The following KDM2B variants were observed in gnomAD, a reference collection of about 807,000 sequenced individuals.
KDM2B encodes the protein lysine-specific demethylase 2B.
A neutral mutation model predicts 150.0 loss-of-function variants in KDM2B; 26 were observed. The observed-to-expected ratio is 0.17, with a 90% CI of 0.13 to 0.24. KDM2B has a LOEUF of 0.24. Ranked by LOEUF, KDM2B falls within the 10% of genes least tolerant of loss-of-function variation. The pLI, the probability that KDM2B is intolerant of heterozygous loss-of-function variation, is 1.00. For synonymous variants in KDM2B, 734 were observed against 729.5 expected, an observed-to-expected ratio of 1.01 and a Z score of -0.10; for missense variants, 1,265 against 1,816.9, an observed-to-expected ratio of 0.70 and a Z score of 5.52.
intron 12 of KDM2B, among the ~76,000 whole-genome samples, chr12:121,460,848 C>G (rs986811186): frequency 6.6e-6 from 1 of 152,162 alleles, no homozygotes; most frequent in East Asian, 1.9e-4. Context: ...CCTACCACCT[C>G]AGGCTCCCAA....
chr12:121,553,174 C>T (rs28620502), intron 4 of KDM2B, among the ~76,000 whole-genome samples: 94,796 of 150,922 alleles, frequency 0.63, 31,996 homozygotes, highest in African/African-American at 0.89. Flanking sequence ...GGGGTTGCAG[C>T]GAGCCGAGAT....
chr12:121,453,633 C>A lies in KDM2B; in HGVS notation c.1735-289G>T, dbSNP rs1877715578. ...CACGTAGAGAACGTGTGTGAAGACACAGGCCTTCCACAGACTGGAGCCCTG... is the reference window on the plus strand; with the variant it reads ...CACGTAGAGAACGTGTGTGAAGACAAAGGCCTTCCACAGACTGGAGCCCTG... On this transcript the variant is annotated intron_variant, in intron 12 of 22. Transcript: ENST00000377071. The surrounding 1 kb of genome is among the most constrained non-coding windows in gnomAD (Gnocchi z 6.4). 6.6e-6 allele frequency among the ~76,000 whole-genome samples: 1 copy of A among 152,104 alleles called. No homozygotes were observed. Among genetic ancestry groups the A allele is most frequent in the Non-Finnish European group, 1.5e-5 (1 of 68,016 alleles).
At chr12:121,580,600 G>A in intron 1 of KDM2B, 186 bp downstream of exon 1, 4 of 960,312 alleles carry the variant, frequency 4.2e-6, no homozygotes, top group Non-Finnish European at 4.4e-6. Context: ...GGAGGGGGCG[G>A]GGAGGGAGGT....
Position 121,578,788 on chromosome 12 carries a change from TG to T in KDM2B, c.271+13del. 3 of 1,509,468 alleles carry T rather than the reference TG, an allele frequency of 2.0e-6. No homozygotes were observed. Among genetic ancestry groups the T allele is most frequent in the South Asian group, 1.2e-5 (1 of 82,396 alleles). 93.5% of individuals were successfully genotyped at this position (1,509,468 alleles called of 1,614,324 possible). A position where few individuals can be genotyped will look rare whatever the true frequency, so the allele number is the denominator to read the frequency against. On this transcript the variant is annotated intron_variant, in intron 2 of 22. Coordinates refer to ENST00000377071, the MANE Select transcript of KDM2B (RefSeq NM_032590.5). ...CCGCAGCGCAGAGGGCGGCCCGGGGTGGGGGCGCCTCACCTTTGCCCTCCAT... is the reference window on the plus strand; with the variant it reads ...CCGCAGCGCAGAGGGCGGCCCGGGGTGGGGCGCCTCACCTTTGCCCTCCAT...
At chr12:121,581,616 G>C (rs1891968094), upstream of KDM2B, among the ~76,000 whole-genome samples, 1 of 152,194 alleles carries the variant, frequency 6.6e-6, no homozygotes, top group Non-Finnish European at 1.5e-5. Flanking sequence ...TGGCAAGAGG[G>C]AGACGATAAA....
chr12:121,578,557 C>T (rs2136680012), intron 2 of KDM2B, among the ~76,000 whole-genome samples: 1 of 152,174 alleles, frequency 6.6e-6, no homozygotes, highest in East Asian at 1.9e-4. Flanking sequence ...GGCCCCCTGG[C>T]TCTGCCCACC....
chr12:121,494,388 C>G, intron 12 of KDM2B, 191 bp downstream of exon 12: 1 of 541,246 alleles, frequency 1.8e-6, no homozygotes, highest in Non-Finnish European at 3.3e-6. Context: ...TTCGCAGTTC[C>G]CACAGCTAGG....
Position 121,575,585 on chromosome 12 carries a change from TC to T in KDM2B, c.350+195del, listed in dbSNP as rs1555316742. Among the ~76,000 whole-genome samples the T allele has an allele frequency of 6.6e-6, 1 of 152,152 alleles. No homozygotes were observed. Among genetic ancestry groups the T allele is most frequent in the Non-Finnish European group, 1.5e-5 (1 of 68,022 alleles). Reference sequence around the variant, plus strand: ...CCCTATGTCCTCTCTCTGCCCAAAGTCCCTGCAAAAGACCAGTCTTTGGAGA... The same window carrying T: ...CCCTATGTCCTCTCTCTGCCCAAAGTCCTGCAAAAGACCAGTCTTTGGAGA... On this transcript the variant is annotated intron_variant, in intron 3 of 22. Coordinates refer to ENST00000377071, the MANE Select transcript of KDM2B (RefSeq NM_032590.5). This position sits in a 1 kb window ranked among gnomAD's most constrained non-coding sequence, Gnocchi z 4.4.
chr12:121,417,926 C>T, the KDM2B span: 18 of 1,608,668 alleles, frequency 1.1e-5, no homozygotes, highest in Non-Finnish European at 1.5e-5. The surrounding 1 kb of genome is among the most constrained non-coding windows in gnomAD (Gnocchi z 5.0). Context: ...GAGGGGGTAA[C>T]TAATTACACC....
intron 11 of KDM2B, among the ~76,000 whole-genome samples, chr12:121,509,121 C>T (rs552448542): frequency 6.6e-5 from 10 of 152,020 alleles, no homozygotes; most frequent in East Asian, 3.9e-4. Context: ...TGCAGTGGTG[C>T]GATCTCAGCT....
In KDM2B at chr12:121,442,735, G is replaced by C; in HGVS notation, c.2706C>G (p.Pro902=). Residue 902 remains proline (P), a synonymous_variant, in exon 19 of 23, where the codon CCC becomes CCG. Transcript: ENST00000377071. The surrounding 1 kb of genome is among the most constrained non-coding windows in gnomAD (Gnocchi z 7.7). ...EPEDELPEAP[P]KTRESDHSRS... is the part of the protein sequence containing the mutation. Reference sequence around the variant, plus strand: ...GGGAGTGGTCGCTCTCCCTGGTCTTGGGGGGCGCCTCGGGCAGTTCGTCCT... The same window carrying C: ...GGGAGTGGTCGCTCTCCCTGGTCTTCGGGGGCGCCTCGGGCAGTTCGTCCT... 6.4e-7 allele frequency: 1 copy of C among 1,562,712 alleles called. No individual in the cohort carries two copies. Among genetic ancestry groups the C allele is most frequent in the Non-Finnish European group, 8.6e-7 (1 of 1,158,420 alleles).
chr12:121,416,156 T>C, the KDM2B span: 1 of 1,613,420 alleles, frequency 6.2e-7, no homozygotes, highest in Non-Finnish European at 8.5e-7. Context: ...TGTTCCTTTT[T>C]AGGCGGGTGC....
Position 121,521,630 on chromosome 12 carries a change from C to G in KDM2B, c.932-530G>C, listed in dbSNP as rs1359144426. ...CCATCTTCTTGTCATCAAACTCCAC[C>G]CAGGCCCCTTTCCATGTGGTCTCCT... On this transcript the variant is annotated intron_variant, in intron 8 of 22. Coordinates refer to ENST00000377071, the MANE Select transcript of KDM2B (RefSeq NM_032590.5). The surrounding 1 kb of genome is among the most constrained non-coding windows in gnomAD (Gnocchi z 4.9). Among the ~76,000 whole-genome samples, 3 of 152,198 alleles carry G rather than the reference C, an allele frequency of 2.0e-5. No homozygotes were observed. The highest frequency in any genetic ancestry group is 4.4e-5 in the Non-Finnish European group (3 of 68,034).
the KDM2B span, chr12:121,420,409 G>T: frequency 0.12 from 193,442 of 1,550,154 alleles, 16,667 homozygotes; most frequent in African/African-American, 0.42. Flanking sequence ...GTGGACATTC[G>T]CTAGATTAGT....
chr12:121,430,259 C>T lies in KDM2B; in HGVS notation c.*29G>A, dbSNP rs781982515. The stretch of plus-strand genomic sequence containing the variant: ...GTAAAGTCTCTCCCCTCCCAGAGCC[C>T]GCCCCGTATTTACATACTTATCCTT... On this transcript the variant is annotated 3_prime_UTR_variant, in exon 23 of 23. Coordinates refer to ENST00000377071, the MANE Select transcript of KDM2B (RefSeq NM_032590.5). This position sits in a 1 kb window ranked among gnomAD's most constrained non-coding sequence, Gnocchi z 4.4. 18 of 1,614,000 alleles carry T rather than the reference C, an allele frequency of 1.1e-5. No individual in the cohort carries two copies. Among genetic ancestry groups the T allele is most frequent in the South Asian group, 4.4e-5 (4 of 91,088 alleles).
chr12:121,569,412 C>G (rs563427005), intron 4 of KDM2B, among the ~76,000 whole-genome samples: 20 of 152,116 alleles, frequency 1.3e-4, no homozygotes, highest in Non-Finnish European at 2.6e-4. Context: ...TGGGGAGAAG[C>G]CTGCCAAGAA....
intron 11 of KDM2B, among the ~76,000 whole-genome samples, chr12:121,503,753 G>A (rs1371869832): frequency 2.0e-5 from 3 of 152,236 alleles, no homozygotes; most frequent in Non-Finnish European, 4.4e-5. Flanking sequence ...CTATGTTCAT[G>A]GCTTCCTTGT....
intron 2 of KDM2B, among the ~76,000 whole-genome samples, chr12:121,576,916 G>C (rs934366738): frequency 6.6e-6 from 1 of 152,174 alleles, no homozygotes; most frequent in Non-Finnish European, 1.5e-5. Flanking sequence ...ACTCCCCTCC[G>C]AAGAGAGACA....
At chr12:121,550,869 AAAG>A (rs1288644302) in intron 4 of KDM2B, among the ~76,000 whole-genome samples, 2 of 152,186 alleles carry the variant, frequency 1.3e-5, no homozygotes, top group Admixed American at 6.5e-5. Context: ...GGAAAAATCA[AAAG>A]AAGAATACTA....
Sources: allele counts gnomAD v4.1 joint callset (sites outside exome capture counted in the v4.1 genomes callset), GRCh38; gene constraint gnomAD v4.1.1; non-coding constraint Gnocchi (gnomAD v3.1); transcripts MANE v1.5; gene names NCBI Gene and HGNC (gene_info 2026-07-23, HGNC 2026-07-21).